ADCY3: variants seen among roughly 807,000 people sequenced by gnomAD.
The protein encoded by ADCY3 is adenylate cyclase type 3.
ADCY3 carries 70 observed loss-of-function variants against 119.4 expected under a neutral mutation model. The ratio of observed to expected loss-of-function variants is 0.59; its 90% CI spans 0.48 to 0.72. ADCY3 has a LOEUF of 0.72. Ranked by LOEUF, ADCY3 falls within the 30% of genes least tolerant of loss-of-function variation. ADCY3 has a pLI of 0.00. For missense variants in ADCY3, 1,238 were observed against 1,541.6 expected (o/e 0.80, Z 3.30); for synonymous variants, 672 against 621.4 (o/e 1.08, Z -1.21).
At chr2:24,858,550 G>C (rs1248011217) in intron 3 of ADCY3, among the ~76,000 whole-genome samples, 3 of 152,160 alleles carry the variant, frequency 2.0e-5, no homozygotes, top group African/African-American at 7.2e-5. Context: ...ACCATCCAGG[G>C]CCTGGCACAA....
intron 2 of ADCY3, among the ~76,000 whole-genome samples, chr2:24,903,470 C>G (rs1011371415): frequency 2.0e-5 from 3 of 152,072 alleles, no homozygotes; most frequent in African/African-American, 7.2e-5. Context: ...TCTGCGCTTC[C>G]CGGGGGGAGC....
Position 24,842,203 on chromosome 2 carries a change from G to A in ADCY3, c.956+51C>T, listed in dbSNP as rs1319478345. 1.2e-6 allele frequency: 2 copies of A among 1,610,540 alleles called. No individual in the cohort carries two copies. Among genetic ancestry groups the A allele is most frequent in the Non-Finnish European group, 8.5e-7 (1 of 1,179,102 alleles). ...ACCTAGCGGGTCCCACAAAGATGCA[G>A]CCCTCCACAGCCTGCTCTGCCATCA... On this transcript the variant is annotated intron_variant, in intron 4 of 21. Transcript: ENST00000679454. This position sits in a 1 kb window ranked among gnomAD's most constrained non-coding sequence, Gnocchi z 4.9.
chr2:24,902,052 G>A (rs1455156799), intron 2 of ADCY3, among the ~76,000 whole-genome samples: 1 of 146,400 alleles, frequency 6.8e-6, no homozygotes, highest in Non-Finnish European at 1.5e-5. Context: ...GTGTGTGTGT[G>A]TGTGTGTGTG....
chr2:24,826,331 C>A, intron 15 of ADCY3: 2 of 553,974 alleles, frequency 3.6e-6, no homozygotes, highest in African/African-American at 1.9e-5. Flanking sequence ...AGCCAGGCAA[C>A]CCCTGGCCCC....
At chr2:24,892,159 G>A (rs1477029876) in intron 2 of ADCY3, among the ~76,000 whole-genome samples, 1 of 151,840 alleles carries the variant, frequency 6.6e-6, no homozygotes, top group African/African-American at 2.4e-5. Flanking sequence ...AATATTTTGG[G>A]ATTTTTAAAG....
chr2:24,875,608 C>T (rs1296487948), intron 2 of ADCY3, among the ~76,000 whole-genome samples: 2 of 152,204 alleles, frequency 1.3e-5, no homozygotes, highest in African/African-American at 4.8e-5. Context: ...CACGCAGCGA[C>T]GGGAGGCGAG....
intron 3 of ADCY3, among the ~76,000 whole-genome samples, chr2:24,853,195 C>T (rs984926887): frequency 6.6e-6 from 1 of 152,088 alleles, no homozygotes; most frequent in African/African-American, 2.4e-5. Flanking sequence ...GAAAACAAGA[C>T]CCTCAAAGCC....
At chr2:24,867,088 G>A (rs945135476) in intron 3 of ADCY3, among the ~76,000 whole-genome samples, 3 of 152,294 alleles carry the variant, frequency 2.0e-5, no homozygotes, top group African/African-American at 4.8e-5. Context: ...ACCAAGCAGA[G>A]CAACTGCAAA....
chr2:24,836,238 G>C (rs1670317451), intron 9 of ADCY3, among the ~76,000 whole-genome samples: 1 of 152,230 alleles, frequency 6.6e-6, no homozygotes, highest in African/African-American at 2.4e-5. Flanking sequence ...AAAAGTTACT[G>C]AATGTTGGGG....
chr2:24,875,678 C>T (rs1243165266), intron 2 of ADCY3, among the ~76,000 whole-genome samples: 4 of 152,198 alleles, frequency 2.6e-5, no homozygotes, highest in Non-Finnish European at 5.9e-5. Context: ...GTCCCCCTCC[C>T]GGCCTCAGTT....
chr2:24,904,856 G>T (rs1321758570), intron 2 of ADCY3, among the ~76,000 whole-genome samples: 1 of 152,054 alleles, frequency 6.6e-6, no homozygotes. Context: ...GACCAGGCTG[G>T]TCTTGAACTC....
intron 3 of ADCY3, among the ~76,000 whole-genome samples, chr2:24,850,515 G>A (rs1467620705): frequency 6.6e-6 from 1 of 152,146 alleles, no homozygotes; most frequent in Non-Finnish European, 1.5e-5. Flanking sequence ...AGGGCCCCAG[G>A]GATGATCAAT....
chr2:24,852,206 G>T (rs539174432), intron 3 of ADCY3, among the ~76,000 whole-genome samples: 178 of 152,294 alleles, frequency 1.2e-3, no homozygotes, highest in Non-Finnish European at 1.9e-3. Flanking sequence ...GCTGCCTCGG[G>T]GGGAACTTGC....
chr2:24,843,969 G>A (rs1156727118), intron 3 of ADCY3, among the ~76,000 whole-genome samples: 1 of 152,240 alleles, frequency 6.6e-6, no homozygotes, highest in Non-Finnish European at 1.5e-5. Context: ...GATGGTGGGG[G>A]GCACTTGGGG....
At chr2:24,889,708 T>C (rs1037381643) in intron 2 of ADCY3, among the ~76,000 whole-genome samples, 3 of 152,206 alleles carry the variant, frequency 2.0e-5, no homozygotes, top group East Asian at 3.8e-4. Context: ...TGATGGCACA[T>C]GCCTGTAATC....
At chr2:24,830,461 C>T (rs1669333094) in intron 13 of ADCY3, among the ~76,000 whole-genome samples, 1 of 152,166 alleles carries the variant, frequency 6.6e-6, no homozygotes, top group Non-Finnish European at 1.5e-5. Context: ...GGCCTGGGCA[C>T]ATGGAACTGT....
At chr2:24,823,021 C>T (rs535963065) in intron 18 of ADCY3, among the ~76,000 whole-genome samples, 188 bp downstream of exon 18, 1 of 152,268 alleles carries the variant, frequency 6.6e-6, no homozygotes, top group South Asian at 2.1e-4. Flanking sequence ...GGGTGATTTC[C>T]CGGGCTCCCA....
In ADCY3 at chr2:24,821,593, G is replaced by T. The variant is rs77454507; in HGVS notation, c.3051C>A (p.Ala1017=). The T allele has an allele frequency of 1.2e-6, 2 of 1,614,082 alleles. No homozygotes were observed. The highest frequency in any genetic ancestry group is 1.1e-5 in the South Asian group (1 of 91,080). Residue 1017 remains alanine, a synonymous_variant, in exon 20 of 22, where the codon GCC becomes GCA. Coordinates refer to ENST00000679454, the MANE Select transcript of ADCY3 (RefSeq NM_004036.5). The stretch of plus-strand genomic sequence containing the variant: ...TATCCTTCATGGCCAGCGCGAAGTC[G>T]GCCAGGTCAGCCAGGTGCTGCCAGC... The part of the protein sequence containing the change: ...RERWQHLADL[A]DFALAMKDTL...
At position 24,830,058 on chromosome 2, in the gene ADCY3, T is replaced by G. The variant is rs1412910353; in HGVS notation, c.2172+651A>C. ...AAGTGAATTACCTTTTTTTTTTTTT[T>G]TTGAGACGGAGTCTTGCTGTCGCCT... is the stretch of plus-strand genomic sequence containing the variant. On this transcript the variant is annotated intron_variant, in intron 13 of 21. Coordinates refer to ENST00000679454, the MANE Select transcript of ADCY3 (RefSeq NM_004036.5). 4.7e-5 allele frequency among the ~76,000 whole-genome samples: 3 copies of G among 63,862 alleles called. 1 individual carries two copies. Among genetic ancestry groups the G allele is most frequent in the African/African-American group, 2.3e-4 (3 of 12,770 alleles). 41.9% of individuals were successfully genotyped at this position (63,862 alleles called of 152,430 possible).
Sources: gnomAD v4.1 joint callset for allele counts (sites outside exome capture counted in the v4.1 genomes callset) on GRCh38, gnomAD v4.1.1 for gene constraint, Gnocchi (gnomAD v3.1) non-coding constraint, MANE v1.5 for transcripts, NCBI Gene and HGNC (gene_info 2026-07-23, HGNC 2026-07-21) for gene names.